PPFIA2: variants seen among roughly 807,000 people sequenced by gnomAD.
PPFIA2 encodes the protein PPFI scaffold protein A2, also known as liprin-alpha-2.
Under a neutral mutation model 175.5 loss-of-function variants are expected in PPFIA2, and 46 were observed. The ratio of observed to expected loss-of-function variants is 0.26; its 90% CI spans 0.21 to 0.34. PPFIA2 has a LOEUF of 0.34. Among genes scored for constraint, PPFIA2 ranks in the 10% least tolerant of loss-of-function variants. PPFIA2 has a pLI of 1.00. For synonymous variants in PPFIA2, 568 were observed against 511.4 expected, an observed-to-expected ratio of 1.11 and a Z score of -1.49; for missense variants, 1,179 against 1,506.1, an observed-to-expected ratio of 0.78 and a Z score of 3.60.
At chr12:81,450,366 T>A (rs2052301331) in intron 5 of PPFIA2, among the ~76,000 whole-genome samples, 1 of 152,248 alleles carries the variant, frequency 6.6e-6, no homozygotes, top group South Asian at 2.1e-4. Context: ...ATTGTGGTTT[T>A]GATTTGCATT....
chr12:81,555,199 G>C (rs1464064160), intron 4 of PPFIA2, among the ~76,000 whole-genome samples: 1 of 151,852 alleles, frequency 6.6e-6, no homozygotes, highest in Non-Finnish European at 1.5e-5. Context: ...TCTAAAACTA[G>C]TATTTTCTAA....
chr12:81,433,253 T>C (rs771024387), intron 7 of PPFIA2, among the ~76,000 whole-genome samples: 10 of 152,216 alleles, frequency 6.6e-5, no homozygotes, highest in Non-Finnish European at 1.3e-4. Flanking sequence ...CCTGAAATAC[T>C]TCCCACAGTT....
chr12:81,384,407 T>A (rs990928111), intron 8 of PPFIA2, among the ~76,000 whole-genome samples, 163 bp from the exon 9 acceptor site: 3 of 152,130 alleles, frequency 2.0e-5, no homozygotes, highest in Admixed American at 2.0e-4. Flanking sequence ...AGGAAACTGT[T>A]AATTGACATT....
At chr12:81,328,717 T>G (rs919083919) in intron 21 of PPFIA2, among the ~76,000 whole-genome samples, 1 of 152,154 alleles carries the variant, frequency 6.6e-6, no homozygotes, top group Non-Finnish European at 1.5e-5. Flanking sequence ...TTTTGGGTAT[T>G]ATAATGATTG....
intron 4 of PPFIA2, among the ~76,000 whole-genome samples, chr12:81,658,063 G>A (rs1379361215): frequency 6.6e-6 from 1 of 152,106 alleles, no homozygotes; most frequent in Non-Finnish European, 1.5e-5. Context: ...GAGGTCAGGA[G>A]TTTGAGACCA....
chr12:81,388,897 T>A (rs1376083668), intron 8 of PPFIA2, among the ~76,000 whole-genome samples: 1 of 151,578 alleles, frequency 6.6e-6, no homozygotes, highest in Non-Finnish European at 1.5e-5. Context: ...GATAAAATTA[T>A]ATATGACGCA....
chr12:81,651,238 G>A (rs2066974670), intron 4 of PPFIA2, among the ~76,000 whole-genome samples: 1 of 152,118 alleles, frequency 6.6e-6, no homozygotes, highest in Non-Finnish European at 1.5e-5. Flanking sequence ...GACTGCTGGA[G>A]GGAAAAGGAA....
At chr12:81,312,124 A>G (rs1393182337) in intron 22 of PPFIA2, 1 of 1,530,914 alleles carries the variant, frequency 6.5e-7, no homozygotes, top group East Asian at 2.4e-5. Context: ...GGCGCTGAAA[A>G]TAAACATGTT....
intron 3 of PPFIA2, among the ~76,000 whole-genome samples, chr12:81,693,422 C>T (rs1178433884): frequency 1.3e-5 from 2 of 151,988 alleles, no homozygotes; most frequent in African/African-American, 4.8e-5. Context: ...CTGCTTTCAC[C>T]GTGTGATGTC....
intron 22 of PPFIA2, chr12:81,302,567 CA>C: frequency 3.5e-6 from 1 of 287,760 alleles, no homozygotes. Context: ...ACAGTTAGGG[CA>C]AAATCTCTAG....
In PPFIA2 at chr12:81,605,650, G is replaced by GCTATCTATCTAT. The variant is rs10595723; in HGVS notation, c.303+71129_303+71140dup. The stretch of plus-strand genomic sequence containing the variant: ...GTCTGTCTATCCATCCATCCATCCA[G>GCTATCTATCTAT]CTATCTATCTATCTATCTATCTATC... On this transcript the variant is annotated intron_variant, in intron 4 of 32. Coordinates refer to ENST00000549396, the MANE Select transcript of PPFIA2 (RefSeq NM_003625.5). 4.6e-3 allele frequency among the ~76,000 whole-genome samples: 656 copies of GCTATCTATCTAT among 143,892 alleles called. 2 individuals are homozygous for GCTATCTATCTAT. The highest frequency in any genetic ancestry group is 0.011 in the African/African-American group (407 of 37,276). The allele number at this position is 143,892 out of a possible 152,430, so 94.4% of individuals were successfully genotyped here.
intron 4 of PPFIA2, among the ~76,000 whole-genome samples, chr12:81,603,825 T>TAAAAAAA (rs60363527): frequency 9.7e-6 from 1 of 103,336 alleles, no homozygotes. Flanking sequence ...CTATTCTGAC[T>TAAAAAAA]AAAAAAAAAA....
At chr12:81,370,634 A>T (rs920256998) in intron 11 of PPFIA2, among the ~76,000 whole-genome samples, 2 of 151,878 alleles carry the variant, frequency 1.3e-5, no homozygotes, top group African/African-American at 4.8e-5. Flanking sequence ...TAGGCAGCAC[A>T]GTTTCCTTGT....
chr12:81,388,165 G>A (rs377422134), intron 8 of PPFIA2, among the ~76,000 whole-genome samples: 1 of 152,098 alleles, frequency 6.6e-6, no homozygotes, highest in Non-Finnish European at 1.5e-5. Flanking sequence ...AACCAACAGG[G>A]ATTCCTTGGA....
intron 4 of PPFIA2, among the ~76,000 whole-genome samples, chr12:81,513,671 T>C (rs184054239): frequency 6.6e-6 from 1 of 152,102 alleles, no homozygotes; most frequent in Non-Finnish European, 1.5e-5. Flanking sequence ...TGTGTAACAG[T>C]TTACTTTTAT....
intron 4 of PPFIA2, among the ~76,000 whole-genome samples, chr12:81,535,958 C>A (rs946466984): frequency 1.3e-5 from 2 of 151,542 alleles, no homozygotes; most frequent in Non-Finnish European, 3.0e-5. Context: ...ATTAGCAAAC[C>A]GTGCTATTAG....
At chr12:81,260,858 G>A (rs966306072) in intron 32 of PPFIA2, 3 of 151,836 alleles carry the variant, frequency 2.0e-5, no homozygotes, top group South Asian at 2.1e-4. Context: ...TTGATTCATC[G>A]AAAGTGGTTA....
intron 4 of PPFIA2, among the ~76,000 whole-genome samples, chr12:81,468,334 C>G (rs527380029): frequency 1.3e-5 from 2 of 152,222 alleles, no homozygotes; most frequent in African/African-American, 4.8e-5. Context: ...TATTAAAACT[C>G]GACATTCTAA....
intron 3 of PPFIA2, among the ~76,000 whole-genome samples, chr12:81,732,870 C>CA (rs1373260229): frequency 1.3e-5 from 2 of 151,004 alleles, no homozygotes; most frequent in African/African-American, 4.9e-5. Flanking sequence ...ACAAAGCACA[C>CA]AAAAAAAGCA....
Sources: gnomAD v4.1 joint callset for allele counts (sites outside exome capture counted in the v4.1 genomes callset) on GRCh38, gnomAD v4.1.1 for gene constraint, MANE v1.5 for transcripts, NCBI Gene and HGNC (gene_info 2026-07-23, HGNC 2026-07-21) for gene names.